Variants in MIER3 observed in about 807,000 individuals in gnomAD.
MIER3 encodes mesoderm induction early response protein 3.
MIER3 carries 9 observed loss-of-function variants against 63.2 expected under a neutral mutation model. That is an observed-to-expected ratio of 0.14 (90% CI 0.09 to 0.25). The LOEUF (loss-of-function observed/expected upper bound fraction) is 0.25, where lower values mean the gene tolerates loss of function less well. Among genes scored for constraint, MIER3 ranks in the 10% least tolerant of loss-of-function variants. The pLI, the probability that MIER3 is intolerant of heterozygous loss-of-function variation, is 1.00. For missense variants in MIER3, 512 were observed against 666.2 expected, an observed-to-expected ratio of 0.77 and a Z score of 2.55; for synonymous variants, 205 against 224.9, an observed-to-expected ratio of 0.91 and a Z score of 0.79.
In MIER3 at chr5:56,950,632, G is replaced by A. The variant is rs780424566; in HGVS notation, c.30C>T (p.Ser10=). 1 of 1,613,896 alleles carries A rather than the reference G, an allele frequency of 6.2e-7. No homozygotes were observed. Among genetic ancestry groups the A allele is most frequent in the Admixed American group, 1.7e-5 (1 of 60,006 alleles). The change falls in exon 2 of 13, where the codon AGC becomes AGT. Residue 10 remains serine (S), a synonymous_variant. Coordinates refer to ENST00000381199, the MANE Select transcript of MIER3 (RefSeq NM_001297599.2). MAEASFGSS[S]PVGSLSSEDH... The stretch of plus-strand genomic sequence containing the variant: ...ACGTAAGAAAATAGGACAAACCTGG[G>A]CTCGAACTTCCAAAAGAAGCCTAGG...
chr5:56,928,964 CT>C, intron 9 of MIER3, 103 bp from the exon 10 acceptor site: 1 of 395,018 alleles, frequency 2.5e-6, no homozygotes. Context: ...AACTCTCTCT[CT>C]CTCTCACACA....
intron 8 of MIER3, among the ~76,000 whole-genome samples, chr5:56,932,203 T>C (rs1750293105): frequency 1.3e-5 from 2 of 152,044 alleles, no homozygotes; most frequent in African/African-American, 4.8e-5. Context: ...GAGGTTGCAG[T>C]GAGCTGACAT....
intron 10 of MIER3, chr5:56,925,657 T>C (rs1749935386): frequency 5.8e-6 from 1 of 171,460 alleles, no homozygotes; most frequent in African/African-American, 2.4e-5. Flanking sequence ...AGACACTTCA[T>C]TGTTAAGACG....
At chr5:56,934,331 A>G (rs185774289) in intron 7 of MIER3, among the ~76,000 whole-genome samples, 176 of 152,352 alleles carry the variant, frequency 1.2e-3, no homozygotes, top group Middle Eastern at 3.4e-3. Flanking sequence ...TTGACTTTTG[A>G]GAGAAGTTCC....
At chr5:56,937,862 ATAT>A (rs1433092052) in intron 4 of MIER3, among the ~76,000 whole-genome samples, 164 bp from the exon 5 acceptor site, 1 of 145,914 alleles carries the variant, frequency 6.9e-6, no homozygotes, top group Non-Finnish European at 1.6e-5. Context: ...TTAATATTAT[ATAT>A]TATATAATAT....
intron 3 of MIER3, chr5:56,941,530 T>C (rs2112131820): frequency 6.6e-6 from 1 of 151,516 alleles, no homozygotes; most frequent in African/African-American, 2.4e-5. Context: ...AAAAAAGACA[T>C]ATGTGAGGCC....
intron 9 of MIER3, 98 bp from the exon 10 acceptor site, chr5:56,928,959 T>TCTCTCTCACACACACACA: frequency 1.1e-5 from 3 of 275,036 alleles, no homozygotes; most frequent in South Asian, 4.9e-5. Context: ...TCACAAACTC[T>TCTCTCTCACACACACACA]CTCTCTCTCT....
chr5:56,924,191 G>C, intron 10 of MIER3, 149 bp from the exon 11 acceptor site: 2 of 764,696 alleles, frequency 2.6e-6, no homozygotes, highest in East Asian at 2.9e-5. Flanking sequence ...ATAAAGTTCT[G>C]AACACTTTGA....
intron 3 of MIER3, 93 bp from the exon 4 acceptor site, chr5:56,939,110 T>C: frequency 7.4e-7 from 1 of 1,349,732 alleles, no homozygotes; most frequent in Non-Finnish European, 9.9e-7. Flanking sequence ...GAAAGCACAT[T>C]ATCAAAACAG....
intron 10 of MIER3, among the ~76,000 whole-genome samples, chr5:56,926,211 T>C (rs1026317571): frequency 1.3e-5 from 2 of 152,020 alleles, no homozygotes; most frequent in Non-Finnish European, 2.9e-5. Flanking sequence ...AATAAAATGC[T>C]AAAAGTGTGA....
intron 4 of MIER3, 77 bp downstream of exon 4, chr5:56,938,806 A>ATTTAAT (rs1750540975): frequency 6.6e-7 from 1 of 1,506,834 alleles, no homozygotes; most frequent in South Asian, 1.3e-5. Context: ...AAGAATTATT[A>ATTTAAT]AATAATACTT....
At position 56,933,413 on chromosome 5, in the gene MIER3, C is replaced by A. The variant is rs1183099315; in HGVS notation, c.596-15G>T. ...GTTTTCATATACTGATAAAGAAAAT[C>A]CCATTAACACATTAAAAATCATGAA... On this transcript the variant is annotated splice_polypyrimidine_tract_variant and intron_variant, in intron 7 of 12. Coordinates refer to ENST00000381199, the MANE Select transcript of MIER3 (RefSeq NM_001297599.2). 1 of 1,577,296 alleles carries A rather than the reference C, an allele frequency of 6.3e-7. No homozygotes were observed. The highest frequency in any genetic ancestry group is 8.6e-7 in the Non-Finnish European group (1 of 1,165,042).
chr5:56,929,758 C>T (rs1207949971), intron 9 of MIER3, among the ~76,000 whole-genome samples: 1 of 152,076 alleles, frequency 6.6e-6, no homozygotes, highest in Non-Finnish European at 1.5e-5. Flanking sequence ...TGGTGAATTC[C>T]GTATCTACTT....
At chr5:56,932,842 A>G (rs924759371) in intron 8 of MIER3, among the ~76,000 whole-genome samples, 6 of 152,252 alleles carry the variant, frequency 3.9e-5, no homozygotes, top group African/African-American at 1.2e-4. Context: ...GAATGTTTAA[A>G]TAAATGAATT....
chr5:56,933,121 T>C (rs1315997192), intron 8 of MIER3, 126 bp downstream of exon 8: 4 of 994,326 alleles, frequency 4.0e-6, no homozygotes, highest in East Asian at 2.8e-5. Context: ...AACCAGTATT[T>C]TGCATATTTT....
In MIER3 at chr5:56,937,566, T is replaced by C. The variant is rs2112119690; in HGVS notation, c.436+12A>G. ...ATGTTACTATTTATCAGTAATCCACTGGGTTTCTTACATCGTAAAGGCCTA... is the reference window on the plus strand; with the variant it reads ...ATGTTACTATTTATCAGTAATCCACCGGGTTTCTTACATCGTAAAGGCCTA... On this transcript the variant is annotated intron_variant, in intron 5 of 12. Transcript: ENST00000381199. The C allele has an allele frequency of 6.3e-7, 1 of 1,593,486 alleles. No homozygotes were observed. The highest frequency in any genetic ancestry group is 1.3e-5 in the African/African-American group (1 of 74,396).
At chr5:56,951,265 T>A (rs1211285565) in intron 1 of MIER3, among the ~76,000 whole-genome samples, 1 of 151,952 alleles carries the variant, frequency 6.6e-6, no homozygotes, top group Non-Finnish European at 1.5e-5. Flanking sequence ...TCCAGAGTGT[T>A]CAGTCCCTCC....
intron 8 of MIER3, among the ~76,000 whole-genome samples, chr5:56,932,420 A>C (rs1750300788): frequency 6.6e-6 from 1 of 152,238 alleles, no homozygotes; most frequent in Admixed American, 6.5e-5. Flanking sequence ...TAATTCTTCT[A>C]AAATTAATAT....
At chr5:56,947,975 G>A (rs1432265679) in intron 2 of MIER3, among the ~76,000 whole-genome samples, 1 of 152,158 alleles carries the variant, frequency 6.6e-6, no homozygotes, top group Non-Finnish European at 1.5e-5. Flanking sequence ...TTTTACTCTA[G>A]TATCCAATTC....
Sources: gnomAD v4.1 joint callset for allele counts (sites outside exome capture counted in the v4.1 genomes callset) on GRCh38, gnomAD v4.1.1 for gene constraint, MANE v1.5 for transcripts, NCBI Gene and HGNC (gene_info 2026-07-23, HGNC 2026-07-21) for gene names.